NTM: variants seen among roughly 807,000 people sequenced by gnomAD.
NTM encodes IgLON family member 2.
NTM carries 13 observed loss-of-function variants against 42.1 expected under a neutral mutation model. The observed-to-expected ratio is 0.31, with a 90% CI of 0.20 to 0.49. The LOEUF (loss-of-function observed/expected upper bound fraction) is 0.49, where lower values mean the gene tolerates loss of function less well. Ranked by LOEUF, NTM falls within the 20% of genes least tolerant of loss-of-function variation. The pLI is 0.99. For synonymous variants in NTM, 187 were observed against 179.2 expected (o/e 1.04, Z -0.35); for missense variants, 373 against 452.8 (o/e 0.82, Z 1.60).
intron 1 of NTM, chr11:131,539,342 G>A (rs1003540289): frequency 6.6e-6 from 1 of 152,254 alleles, no homozygotes; most frequent in Non-Finnish European, 1.5e-5. Context: ...AGGCAGAATG[G>A]AGAGGAAGAA....
intron 7 of NTM, among the ~76,000 whole-genome samples, chr11:132,329,678 AC>A (rs2095759166): frequency 6.6e-6 from 1 of 152,390 alleles, no homozygotes; most frequent in East Asian, 1.9e-4. Flanking sequence ...CAGCATGAGC[AC>A]CTACATTCAA....
At chr11:132,129,002 G>A (rs2066351262) in intron 2 of NTM, among the ~76,000 whole-genome samples, 1 of 147,136 alleles carries the variant, frequency 6.8e-6, no homozygotes, top group Admixed American at 6.8e-5. Context: ...TATCGACAGT[G>A]TAGAAATTTT....
At chr11:131,444,075 AAAGT>A (rs540814033) in intron 1 of NTM, among the ~76,000 whole-genome samples, 62 of 152,280 alleles carry the variant, frequency 4.1e-4, no homozygotes, top group Admixed American at 4.0e-3. Context: ...GATCCGTTAC[AAAGT>A]AATAGAAAAC....
chr11:131,744,109 C>T (rs187384592), intron 1 of NTM, among the ~76,000 whole-genome samples: 4 of 152,296 alleles, frequency 2.6e-5, no homozygotes, highest in Admixed American at 1.3e-4. Context: ...TAACTTGAAG[C>T]ATGTCTCTTA....
intron 1 of NTM, among the ~76,000 whole-genome samples, chr11:131,493,623 A>C (rs1955028724): frequency 6.6e-6 from 1 of 152,166 alleles, no homozygotes; most frequent in Non-Finnish European, 1.5e-5. Flanking sequence ...ATTACATCTG[A>C]TCTGAAGCCA....
At chr11:132,110,099 G>T (rs1287216012) in intron 2 of NTM, among the ~76,000 whole-genome samples, 1 of 152,172 alleles carries the variant, frequency 6.6e-6, no homozygotes, top group Non-Finnish European at 1.5e-5. Context: ...AGAACTTACT[G>T]CTCTCTGCAA....
At chr11:131,819,742 G>A (rs541442373) in intron 1 of NTM, among the ~76,000 whole-genome samples, 9 of 152,134 alleles carry the variant, frequency 5.9e-5, no homozygotes, top group Non-Finnish European at 1.2e-4. Context: ...ATGGAAACAC[G>A]TCCGTGTTCG....
At position 132,162,182 on chromosome 11, in the gene NTM, G is replaced by A. The variant is rs894395485; in HGVS notation, c.400+15668G>A. On this transcript the variant is annotated intron_variant, in intron 3 of 8. Transcript: ENST00000683400. The stretch of plus-strand genomic sequence containing the variant: ...GGGTATAGTAGGGTATTTGTGTTTT[G>A]GGGGGAGTGTGTATGTGGGGGAAGA... Among the ~76,000 whole-genome samples the A allele has an allele frequency of 6.1e-5, 6 of 97,938 alleles. No individual in the cohort carries two copies. The Admixed American group carries it at 6.3e-4, about 10-fold the overall frequency. 64.3% of individuals were successfully genotyped at this position (97,938 alleles called of 152,430 possible).
At chr11:132,221,814 G>C (rs1331508282) in intron 4 of NTM, among the ~76,000 whole-genome samples, 1 of 152,172 alleles carries the variant, frequency 6.6e-6, no homozygotes, top group African/African-American at 2.4e-5. Flanking sequence ...AAATCAGGGG[G>C]CAGGAGAAGG....
At chr11:131,858,276 G>A (rs1327995414) in intron 1 of NTM, among the ~76,000 whole-genome samples, 1 of 152,058 alleles carries the variant, frequency 6.6e-6, no homozygotes, top group Non-Finnish European at 1.5e-5. Context: ...GCCAGGATGA[G>A]CAAGTTGATT....
intron 1 of NTM, among the ~76,000 whole-genome samples, chr11:131,566,432 C>CGT (rs60357480): frequency 6.6e-5 from 10 of 150,944 alleles, no homozygotes; most frequent in South Asian, 4.2e-4. Flanking sequence ...TCTCGATGTG[C>CGT]GTGTGTGTGT....
chr11:131,812,899 C>A (rs2092797433), intron 1 of NTM, among the ~76,000 whole-genome samples: 1 of 152,096 alleles, frequency 6.6e-6, no homozygotes, highest in Non-Finnish European at 1.5e-5. Context: ...GGAGGGACAG[C>A]CAGGAGATGA....
chr11:131,501,627 G>T (rs556428132), intron 1 of NTM, among the ~76,000 whole-genome samples: 5 of 152,276 alleles, frequency 3.3e-5, no homozygotes, highest in African/African-American at 1.2e-4. Context: ...CAATATTTCT[G>T]CTAGTCCAAG....
At chr11:132,048,275 C>T (rs1057275507) in intron 2 of NTM, among the ~76,000 whole-genome samples, 16 of 152,296 alleles carry the variant, frequency 1.1e-4, no homozygotes, top group African/African-American at 3.8e-4. Context: ...TCCCTCCCTT[C>T]AGCGGCAAAG....
At chr11:131,505,218 G>A (rs551501709) in intron 1 of NTM, among the ~76,000 whole-genome samples, 1 of 152,194 alleles carries the variant, frequency 6.6e-6, no homozygotes, top group African/African-American at 2.4e-5. Context: ...GCACAAAGTA[G>A]GGATTTAAAA....
chr11:131,982,126 C>G (rs1395975100), intron 2 of NTM, among the ~76,000 whole-genome samples: 1 of 152,024 alleles, frequency 6.6e-6, no homozygotes, highest in Non-Finnish European at 1.5e-5. Context: ...AAATTATCTC[C>G]TAGGTTGCCC....
At chr11:131,664,644 T>A (rs1003897187) in intron 1 of NTM, among the ~76,000 whole-genome samples, 1 of 152,050 alleles carries the variant, frequency 6.6e-6, no homozygotes. Context: ...GTTAATTTGA[T>A]AATTTTAGTA....
intron 1 of NTM, among the ~76,000 whole-genome samples, chr11:131,476,634 T>A (rs1277753862): frequency 6.6e-6 from 1 of 152,116 alleles, no homozygotes; most frequent in African/African-American, 2.4e-5. Flanking sequence ...GCTGCCCCTA[T>A]AAAGGATTTA....
intron 2 of NTM, among the ~76,000 whole-genome samples, chr11:132,070,005 C>T (rs1046355627): frequency 7.2e-6 from 1 of 138,544 alleles, no homozygotes; most frequent in African/African-American, 2.9e-5. Flanking sequence ...TAACACGTCA[C>T]ACAGCCAAGT....
Sources: allele counts gnomAD v4.1 joint callset (sites outside exome capture counted in the v4.1 genomes callset), GRCh38; gene constraint gnomAD v4.1.1; transcripts MANE v1.5; gene names NCBI Gene and HGNC (gene_info 2026-07-23, HGNC 2026-07-21).